FSHR: variants seen among roughly 807,000 people sequenced by gnomAD.
FSHR encodes the protein follicle-stimulating hormone receptor.
In FSHR, 46 loss-of-function variants were observed where a neutral mutation model predicts 52.1. The observed-to-expected ratio is 0.88, with a 90% CI of 0.70 to 1.13. The LOEUF is 1.13. FSHR is among the 50% of genes most tolerant of loss of function. The probability of loss-of-function intolerance (pLI) is 0.00; values close to 1 mark genes in which losing one functional copy is unlikely to be tolerated. For synonymous variants in FSHR, 399 were observed against 309.6 expected, an observed-to-expected ratio of 1.29 and a Z score of -3.03; for missense variants, 964 against 834.6, an observed-to-expected ratio of 1.16 and a Z score of -1.91.
rs1558393162 is a variant in FSHR at position 49,018,857 on chromosome 2, CTA to C, written c.299+1227_299+1228del. Reference sequence around the variant, plus strand: ...TGCACACACACACACACCTGTGTGTCTATTTGTGTGTGTGTGTATCTGTTCCC... The same window carrying C: ...TGCACACACACACACACCTGTGTGTCTTTGTGTGTGTGTGTATCTGTTCCC... On this transcript the variant is annotated intron_variant, in intron 3 of 9. Coordinates refer to ENST00000406846, the MANE Select transcript of FSHR (RefSeq NM_000145.4). 4.6e-5 allele frequency among the ~76,000 whole-genome samples: 7 copies of C among 151,856 alleles called. No homozygotes were observed. The East Asian group carries it at 1.2e-3, about 25-fold the overall frequency.
intron 1 of FSHR, among the ~76,000 whole-genome samples, chr2:49,088,735 TAG>T (rs1198152230): frequency 1.3e-5 from 2 of 152,148 alleles, no homozygotes; most frequent in African/African-American, 4.8e-5. Flanking sequence ...TGCTTAGATA[TAG>T]GAGGATTAAC....
At chr2:49,038,374 T>C (rs1290101) in intron 2 of FSHR, among the ~76,000 whole-genome samples, 4 of 151,840 alleles carry the variant, frequency 2.6e-5, no homozygotes, top group East Asian at 3.9e-4. Flanking sequence ...GTAATCCCAG[T>C]ACTTTGGGAG....
intron 1 of FSHR, among the ~76,000 whole-genome samples, chr2:49,074,077 A>G (rs557926793): frequency 2.6e-5 from 4 of 152,234 alleles, no homozygotes; most frequent in Admixed American, 2.6e-4. Context: ...ACCTGAAATG[A>G]TAAAACTACT....
Position 48,965,081 on chromosome 2 carries a change from A to AT in FSHR, c.855-1116dup, listed in dbSNP as rs566807283. ...TTCACAGCAATATTAAGTTGACTGT[A>AT]TTTTTTTTAAACCTTGACATAACCT... is the stretch of plus-strand genomic sequence containing the variant. On this transcript the variant is annotated intron_variant, in intron 9 of 9. Transcript: ENST00000406846. Among the ~76,000 whole-genome samples the AT allele has an allele frequency of 1.5e-3, 233 of 151,944 alleles. 1 individual carries two copies. In the Middle Eastern group the frequency reaches 0.037, roughly 24 times the overall value.
chr2:49,090,995 T>C (rs1670585373), intron 1 of FSHR, among the ~76,000 whole-genome samples: 1 of 152,076 alleles, frequency 6.6e-6, no homozygotes, highest in South Asian at 2.1e-4. Context: ...GAGAATTCTC[T>C]ATATATACTA....
intron 1 of FSHR, among the ~76,000 whole-genome samples, chr2:49,081,872 A>C (rs1670182148): frequency 6.6e-6 from 1 of 152,240 alleles, no homozygotes; most frequent in African/African-American, 2.4e-5. Flanking sequence ...ACGGTTTAAA[A>C]GATTCCATAG....
At chr2:49,033,671 G>A (rs1668180911) in intron 2 of FSHR, among the ~76,000 whole-genome samples, 1 of 151,964 alleles carries the variant, frequency 6.6e-6, no homozygotes, top group Non-Finnish European at 1.5e-5. Flanking sequence ...TGCATCCCTG[G>A]GCCCCTTTGA....
chr2:49,027,850 CAAAAAAAAAAAA>C (rs397868435), intron 2 of FSHR, among the ~76,000 whole-genome samples: 2 of 49,980 alleles, frequency 4.0e-5, no homozygotes, highest in South Asian at 1.4e-3. Context: ...ACTCTTTCTC[CAAAAAAAAAAAA>C]AAAAAAAAAA....
intron 2 of FSHR, among the ~76,000 whole-genome samples, chr2:49,021,829 G>GTTTTTCTCTC (rs1306009434): frequency 3.7e-4 from 33 of 89,500 alleles, no homozygotes; most frequent in African/African-American, 1.4e-3. Flanking sequence ...TGGGGTATGT[G>GTTTTTCTCTC]TTTCTCTCTC....
At chr2:49,119,050 G>A (rs1031629808) in intron 1 of FSHR, among the ~76,000 whole-genome samples, 3 of 152,162 alleles carry the variant, frequency 2.0e-5, no homozygotes, top group African/African-American at 7.2e-5. Context: ...TCCTACCAGC[G>A]TTTGGGGACC....
At chr2:48,996,629 G>A (rs1455038888) in intron 4 of FSHR, among the ~76,000 whole-genome samples, 1 of 151,880 alleles carries the variant, frequency 6.6e-6, no homozygotes, top group Non-Finnish European at 1.5e-5. Flanking sequence ...ACAAATATGG[G>A]GATAAAAGGC....
At chr2:49,013,340 A>G (rs1667346537) in intron 4 of FSHR, among the ~76,000 whole-genome samples, 1 of 151,240 alleles carries the variant, frequency 6.6e-6, no homozygotes, top group Non-Finnish European at 1.5e-5. Flanking sequence ...AAGCTTAATT[A>G]GGTTTTGTTT....
intron 9 of FSHR, among the ~76,000 whole-genome samples, chr2:48,964,258 A>C (rs1674371294): frequency 6.6e-6 from 1 of 152,130 alleles, no homozygotes; most frequent in South Asian, 2.1e-4. Context: ...CTGTTAAGTG[A>C]AAATAATTTA....
At chr2:49,007,726 A>C (rs898846075) in intron 4 of FSHR, among the ~76,000 whole-genome samples, 5 of 152,152 alleles carry the variant, frequency 3.3e-5, no homozygotes, top group African/African-American at 1.2e-4. Context: ...AAAGGAAAAG[A>C]GACCCCATCA....
Position 49,125,035 on chromosome 2 carries a change from C to A in FSHR, c.152+29231G>T, listed in dbSNP as rs185284162. Reference sequence around the variant, plus strand: ...ATGTGTTCCTGTCCCAGAGTCACTGCTCTTGCTTGTTTGTCATCCCTCGGA... The same window carrying A: ...ATGTGTTCCTGTCCCAGAGTCACTGATCTTGCTTGTTTGTCATCCCTCGGA... On this transcript the variant is annotated intron_variant, in intron 1 of 9. Coordinates refer to ENST00000406846, the MANE Select transcript of FSHR (RefSeq NM_000145.4). Among the ~76,000 whole-genome samples, 119 of 152,284 alleles carry A rather than the reference C, an allele frequency of 7.8e-4. 1 individual carries two copies. The highest frequency in any genetic ancestry group is 2.6e-3 in the African/African-American group (110 of 41,560).
chr2:49,018,422 A>C (rs3788981), intron 3 of FSHR, among the ~76,000 whole-genome samples: 78,343 of 152,132 alleles, frequency 0.51, 21,483 homozygotes, highest in Non-Finnish European at 0.62. Context: ...GTTGCTGTAA[A>C]CTGTAGCTAC....
chr2:49,065,351 G>T (rs1421754033), intron 2 of FSHR, among the ~76,000 whole-genome samples: 2 of 152,058 alleles, frequency 1.3e-5, no homozygotes, highest in Non-Finnish European at 2.9e-5. Flanking sequence ...AAGTGATGAT[G>T]AGACTTTGGG....
At chr2:49,080,658 G>T (rs548473788) in intron 1 of FSHR, among the ~76,000 whole-genome samples, 2 of 152,304 alleles carry the variant, frequency 1.3e-5, no homozygotes, top group South Asian at 4.1e-4. Flanking sequence ...AAATAATATA[G>T]TATGTTGTTT....
intron 1 of FSHR, among the ~76,000 whole-genome samples, chr2:49,135,405 C>A (rs1050083180): frequency 6.6e-6 from 1 of 151,936 alleles, no homozygotes; most frequent in Non-Finnish European, 1.5e-5. Context: ...ACAGAAAACA[C>A]TTTGAGATGA....
Sources: gnomAD v4.1 joint callset for allele counts (sites outside exome capture counted in the v4.1 genomes callset) on GRCh38, gnomAD v4.1.1 for gene constraint, MANE v1.5 for transcripts, NCBI Gene and HGNC (gene_info 2026-07-23, HGNC 2026-07-21) for gene names.